MYH3: variants seen among roughly 807,000 people sequenced by gnomAD.
MYH3 encodes the protein myosin heavy chain 3.
In MYH3, 130 loss-of-function variants were observed where a neutral mutation model predicts 238.0. The ratio of observed to expected loss-of-function variants is 0.55; its 90% CI spans 0.47 to 0.63. MYH3 has a LOEUF of 0.63. MYH3 is among the 30% of genes least tolerant of loss of function. MYH3 has a pLI of 0.00. For synonymous variants in MYH3, 880 were observed against 924.1 expected (o/e 0.95, Z 0.86); for missense variants, 1,853 against 2,374.9 (o/e 0.78, Z 4.57).
the MYH3 span, among the ~76,000 whole-genome samples, chr17:10,666,665 G>T: frequency 1.3e-5 from 2 of 151,914 alleles, no homozygotes; most frequent in African/African-American, 2.4e-5. Context: ...GGGAGGCTGA[G>T]GGGGGAGGAC....
intron 4 of MYH3, chr17:10,651,884 C>T: frequency 1.7e-6 from 1 of 585,798 alleles, no homozygotes; most frequent in South Asian, 2.0e-5. Flanking sequence ...GCTGGGACTA[C>T]AGGTACATGC....
rs749771515 is a variant in MYH3 at position 10,631,591 on chromosome 17, G to A, written c.5286+20C>T. 6.2e-7 allele frequency: 1 copy of A among 1,614,164 alleles called. No homozygotes were observed. The highest frequency in any genetic ancestry group is 2.2e-5 in the East Asian group (1 of 44,882). ...ATGCAATCCCGGCAGCCCGAGGGCAGCAGGAAGGAGACGCCTTACGTCCGT... is the reference window on the plus strand; with the variant it reads ...ATGCAATCCCGGCAGCCCGAGGGCAACAGGAAGGAGACGCCTTACGTCCGT... On this transcript the variant is annotated intron_variant, in intron 36 of 40. Transcript: ENST00000583535.
At chr17:10,657,186 CAG>C (rs1350094633) in intron 1 of MYH3, 101 bp downstream of exon 1, 1 of 152,350 alleles carries the variant, frequency 6.6e-6, no homozygotes, top group Non-Finnish European at 1.5e-5. Flanking sequence ...GCCACCTCAG[CAG>C]AGCCAGGCAG....
chr17:10,630,248 C>G, intron 37 of MYH3, 40 bp downstream of exon 37: 2 of 1,609,072 alleles, frequency 1.2e-6, no homozygotes, highest in Middle Eastern at 3.3e-4. Flanking sequence ...GATTGGGAGG[C>G]TGGAAAGCTC....
chr17:10,661,315 A>C (rs981574063), upstream of MYH3, among the ~76,000 whole-genome samples: 2 of 151,536 alleles, frequency 1.3e-5, no homozygotes, highest in Admixed American at 1.3e-4. Flanking sequence ...AAAAAAAAAA[A>C]AAATTCCATC....
At position 10,654,190 on chromosome 17, in the gene MYH3, CTTCT is replaced by C. The variant is rs540695639; in HGVS notation, c.204+667_204+670del. On this transcript the variant is annotated intron_variant, in intron 3 of 40. Transcript: ENST00000583535. The surrounding 1 kb of genome is among the most constrained non-coding windows in gnomAD (Gnocchi z 4.5). ...CCTTCCTTCCTTGCTTTCTTTCTTC[CTTCT>C]TTCTTTCCTTCCTTCCTTCCCTCCA... Among the ~76,000 whole-genome samples, 734 of 143,220 alleles carry C rather than the reference CTTCT, an allele frequency of 5.1e-3. 3 individuals carry two copies. Among genetic ancestry groups the C allele is most frequent in the Middle Eastern group, 0.032 (9 of 278 alleles). The allele number at this position is 143,220 out of a possible 152,430, so 94.0% of individuals were successfully genotyped here.
Position 10,629,692 on chromosome 17 carries a change from G to A in MYH3, c.5701C>T (p.Gln1901Ter). Residue 1901 changes from glutamine (Q) to a stop codon, truncating the protein, a stop_gained, in exon 40 of 41, where the codon CAG becomes TAG. Transcript: ENST00000583535. LOFTEE classifies it high-confidence loss of function. ...TCCTCGGCCTCCTCCAGCTCATGCT[G>A]AGCCTTTCGGAATTTGGTGAGATGA... is the stretch of plus-strand genomic sequence containing the variant. ...NAHLTKFRKA[Q>*]HELEEAEERA... The A allele has an allele frequency of 2.5e-6, 4 of 1,614,216 alleles. No individual in the cohort carries two copies. Among genetic ancestry groups the A allele is most frequent in the Non-Finnish European group, 3.4e-6 (4 of 1,180,056 alleles).
At chr17:10,638,488 T>C (rs1279566659) in intron 26 of MYH3, 56 bp from the exon 27 acceptor site, 2 of 1,596,960 alleles carry the variant, frequency 1.3e-6, no homozygotes, top group African/African-American at 1.3e-5. Context: ...GGGACTCTGA[T>C]TGCCAAGAAC....
At position 10,629,721 on chromosome 17, in the gene MYH3, T is replaced by C; in HGVS notation, c.5672A>G (p.Asn1891Ser). Residue 1891 changes from asparagine (N) to serine (S), a missense_variant, in exon 40 of 41, where the codon AAT (asparagine) becomes AGT (serine). Asn to Ser is a conservative substitution (Grantham distance 46, BLOSUM62 1). Transcript: ENST00000583535. ...RQAEEADEQA[N>S]AHLTKFRKAQ... The stretch of plus-strand genomic sequence containing the variant: ...CTTTCGGAATTTGGTGAGATGAGCA[T>C]TGGCTTGTTCATCCTAAAACCAAAG... 1 of 1,614,230 alleles carries C rather than the reference T, an allele frequency of 6.2e-7. No individual in the cohort carries two copies. Among genetic ancestry groups the C allele is most frequent in the East Asian group, 2.2e-5 (1 of 44,882 alleles).
rs376721166 is a variant in MYH3, at chr17:10,647,115, A to G, written c.898+67T>C. ...TGTAGAGTCACTCTACGTAGATACAACTCTCCTTGGTCTAGTGATCAGAGT... is the reference window on the plus strand; with the variant it reads ...TGTAGAGTCACTCTACGTAGATACAGCTCTCCTTGGTCTAGTGATCAGAGT... On this transcript the variant is annotated intron_variant, in intron 10 of 40. Transcript: ENST00000583535. 91 of 1,148,916 alleles carry G rather than the reference A, an allele frequency of 7.9e-5. 2 individuals are homozygous for G. The East Asian group carries it at 9.1e-4, about 12-fold the overall frequency. The allele number at this position is 1,148,916 out of a possible 1,614,324, so 71.2% of individuals were successfully genotyped here. A position where few individuals can be genotyped will look rare whatever the true frequency, so the allele number is the denominator to read the frequency against.
the MYH3 span, among the ~76,000 whole-genome samples, chr17:10,671,504 T>C: frequency 6.6e-6 from 1 of 151,908 alleles, no homozygotes; most frequent in African/African-American, 2.4e-5. Flanking sequence ...TTGAATTAAA[T>C]TATTAACTAT....
In MYH3 at chr17:10,630,427, T is replaced by G. The variant is rs561334768; in HGVS notation, c.5318A>C (p.Glu1773Ala). 12 of 1,614,192 alleles carry G rather than the reference T, an allele frequency of 7.4e-6. No homozygotes were observed. The Admixed American group carries it at 1.3e-4, about 18-fold the overall frequency. The change falls in exon 37 of 41, where the codon GAG becomes GCG. Residue 1773 changes from glutamate (E) to alanine (A), a missense_variant. Physicochemically the swap from Glu to Ala is moderately radical, Grantham distance 107. This residue lies in a region of MYH3 where 1,044 missense variants were observed against 1,192.6 expected (regional missense o/e 0.88). Transcript: ENST00000583535. ...AAMMAEELKK[E>A]QDTSAHLERM... Reference sequence around the variant, plus strand: ...CTCAAGGTGGGCGCTGGTGTCCTGCTCCTTCTTCAGCTCCTCCGCCATCAT... The same window carrying G: ...CTCAAGGTGGGCGCTGGTGTCCTGCGCCTTCTTCAGCTCCTCCGCCATCAT...
chr17:10,631,260 G>T (rs1243842861), intron 36 of MYH3, among the ~76,000 whole-genome samples: 7 of 152,184 alleles, frequency 4.6e-5, no homozygotes. Flanking sequence ...CCATTAGCGC[G>T]GTGGGCCGCC....
chr17:10,677,582 A>AC, the MYH3 span: 14 of 152,244 alleles, frequency 9.2e-5, no homozygotes, highest in African/African-American at 3.4e-4. Context: ...ATTTAAAATC[A>AC]TTAGCCTCCC....
intron 32 of MYH3, 148 bp from the exon 33 acceptor site, chr17:10,633,863 TA>T: frequency 6.8e-7 from 1 of 1,478,686 alleles, no homozygotes; most frequent in Non-Finnish European, 9.4e-7. Context: ...AGAGAGAGGC[TA>T]AAACGTAACC....
intron 28 of MYH3, among the ~76,000 whole-genome samples, chr17:10,636,688 G>C (rs1448511694): frequency 6.6e-6 from 1 of 152,176 alleles, no homozygotes; most frequent in African/African-American, 2.4e-5. Flanking sequence ...GGCCGACGCA[G>C]GCGGATCACG....
chr17:10,671,106 C>T, the MYH3 span, among the ~76,000 whole-genome samples: 3 of 152,110 alleles, frequency 2.0e-5, no homozygotes. Context: ...GTTGGCCAAA[C>T]TGGTCTCGAA....
At chr17:10,640,537 A>T (rs777356283) in intron 20 of MYH3, 26 bp downstream of exon 20, 6 of 1,614,282 alleles carry the variant, frequency 3.7e-6, no homozygotes, top group Non-Finnish European at 5.1e-6. Flanking sequence ...CGAAAAGGCC[A>T]GCATCTGTCA....
In MYH3 at chr17:10,640,349, T is replaced by C; in HGVS notation, c.2410A>G (p.Lys804Glu). 1.9e-6 allele frequency: 3 copies of C among 1,614,240 alleles called. No individual in the cohort carries two copies. Among genetic ancestry groups the C allele is most frequent in the Non-Finnish European group, 2.5e-6 (3 of 1,180,040 alleles). ...CTGCTGGACCTCCTCTGCACCATCT[T>C]CTGGAATTCCACACGCATGAGGAAC... ...RGFLMRVEFQ[K>E]MVQRRESIFC... The change falls in exon 21 of 41, where the codon AAG becomes GAG. Residue 804 changes from lysine to glutamate, a missense_variant. By Grantham distance (56) the Lys-to-Glu change is moderately conservative. Coordinates refer to ENST00000583535, the MANE Select transcript of MYH3 (RefSeq NM_002470.4).
Sources: gnomAD v4.1 joint callset for allele counts (sites outside exome capture counted in the v4.1 genomes callset) on GRCh38, gnomAD v4.1.1 for gene constraint, gnomAD v4.1.1 regional missense constraint, Gnocchi (gnomAD v3.1) non-coding constraint, MANE v1.5 for transcripts, NCBI Gene and HGNC (gene_info 2026-07-23, HGNC 2026-07-21) for gene names.